Variants in HERC2 observed in about 807,000 individuals in gnomAD.
HERC2 encodes HECT and RLD domain containing E3 ubiquitin protein ligase 2.
In HERC2, 102 loss-of-function variants were observed where a neutral mutation model predicts 537.7. That is an observed-to-expected ratio of 0.19 (90% CI 0.16 to 0.22). The LOEUF (loss-of-function observed/expected upper bound fraction) is 0.22. Ranked by LOEUF, HERC2 falls within the 10% of genes least tolerant of loss-of-function variation. The probability of loss-of-function intolerance (pLI) is 1.00; values close to 1 mark genes in which losing one functional copy is unlikely to be tolerated. For missense variants in HERC2, 4,236 were observed against 6,198.2 expected (o/e 0.68, Z 10.63); for synonymous variants, 2,224 against 2,466.2 (o/e 0.90, Z 2.91).
chr15:28,266,099 G>A, intron 12 of HERC2, 125 bp from the exon 13 acceptor site: 1 of 993,430 alleles, frequency 1.0e-6, no homozygotes, highest in East Asian at 2.6e-5. Context: ...TCACCTTCCA[G>A]GTACCTTGTG....
chr15:28,246,817 C>T lies in HERC2; in HGVS notation c.3316G>A (p.Val1106Met). 6.2e-7 allele frequency: 1 copy of T among 1,610,604 alleles called. No homozygotes were observed. Among genetic ancestry groups the T allele is most frequent in the East Asian group, 2.2e-5 (1 of 44,598 alleles). ...LCTHIGDILP[V>M]AASIASTSWR... ...CTGGTAGAAGCAATGCTGGCGGCCA[C>T]AGGCAGTATATCTCCAATGTGCGTG... The change falls in exon 22 of 93, where the codon GTG (valine) becomes ATG (methionine). Residue 1106 changes from valine (V) to methionine (M), a missense_variant. Physicochemically the swap from Val to Met is conservative, Grantham distance 21. This residue lies in a region of HERC2 where 754 missense variants were observed against 1,085.0 expected (regional missense o/e 0.69). Transcript: ENST00000261609.
intron 69 of HERC2, among the ~76,000 whole-genome samples, chr15:28,154,771 AT>A (rs781136673): frequency 6.6e-6 from 1 of 152,084 alleles, no homozygotes; most frequent in Non-Finnish European, 1.5e-5. Flanking sequence ...TTATATATAT[AT>A]TTTTTTATTA....
chr15:28,132,578 T>C, intron 80 of HERC2, 75 bp downstream of exon 80: 4 of 1,304,238 alleles, frequency 3.1e-6, no homozygotes, highest in South Asian at 4.7e-5. Flanking sequence ...ATAACAACGG[T>C]GGCAAACCGC....
Position 28,272,870 on chromosome 15 carries a change from G to A in HERC2, c.911+24C>T, listed in dbSNP as rs371994529. On this transcript the variant is annotated intron_variant, in intron 8 of 92. Transcript: ENST00000261609. The stretch of plus-strand genomic sequence containing the variant: ...CCATACACAGGCGCTTCCCCAAAGC[G>A]TTCCCGTCTGCGGCAGCCCTCACCT... 102 of 1,536,276 alleles carry A rather than the reference G, an allele frequency of 6.6e-5. No individual in the cohort carries two copies. In the South Asian group the frequency reaches 7.9e-4, roughly 12 times the overall value.
intron 31 of HERC2, 81 bp downstream of exon 31, chr15:28,230,286 G>C (rs990994208): frequency 1.4e-6 from 2 of 1,410,006 alleles, no homozygotes; most frequent in African/African-American, 2.9e-5. Flanking sequence ...CCCTCCAGAT[G>C]CTCAGGACAA....
At chr15:28,245,073 G>T (rs1312161404) in intron 23 of HERC2, among the ~76,000 whole-genome samples, 1 of 152,116 alleles carries the variant, frequency 6.6e-6, no homozygotes, top group Admixed American at 6.5e-5. Context: ...CAGGAATTCT[G>T]CATCTCACTA....
In HERC2 at chr15:28,321,701, G is replaced by A. The variant is rs1349814002; in HGVS notation, c.-31-237C>T. On this transcript the variant is annotated intron_variant, in intron 1 of 92. Transcript: ENST00000261609. The stretch of plus-strand genomic sequence containing the variant: ...TGCCGAGTTTCTGCACCACGCTGAC[G>A]AGACCTTGAGAATGGACGGTCACAG... Among the ~76,000 whole-genome samples, 4 of 125,388 alleles carry A rather than the reference G, an allele frequency of 3.2e-5. 1 individual carries two copies. The highest frequency in any genetic ancestry group is 1.6e-4 in the African/African-American group (4 of 25,272). 82.3% of individuals were successfully genotyped at this position (125,388 alleles called of 152,430 possible).
chr15:28,284,686 GC>G (rs1384411781), intron 4 of HERC2, among the ~76,000 whole-genome samples: 1 of 152,028 alleles, frequency 6.6e-6, no homozygotes, highest in Non-Finnish European at 1.5e-5. Flanking sequence ...ACTTTGGGAG[GC>G]CAAGGTGGGT....
At chr15:28,219,754 G>A (rs1467260627) in intron 37 of HERC2, among the ~76,000 whole-genome samples, 2 of 152,192 alleles carry the variant, frequency 1.3e-5, no homozygotes, top group Admixed American at 1.3e-4. Context: ...CTGTAGCCAT[G>A]GGGGGCACTG....
Position 28,141,634 on chromosome 15 carries a change from C to G in HERC2, c.11817-4G>C, listed in dbSNP as rs368537466. 6.2e-7 allele frequency: 1 copy of G among 1,614,006 alleles called. No individual in the cohort carries two copies. The highest frequency in any genetic ancestry group is 1.3e-5 in the African/African-American group (1 of 74,908). The stretch of plus-strand genomic sequence containing the variant: ...GAGAGTCCAGTCATCTGGTCGCCTA[C>G]AATACACATCAAGTGAGCATTTGCC... On this transcript the variant is annotated splice_polypyrimidine_tract_variant and splice_region_variant and intron_variant, in intron 77 of 92. Transcript: ENST00000261609.
rs1169301126 is a variant in HERC2, at chr15:28,122,279, G to A, written c.13189-850C>T. On this transcript the variant is annotated intron_variant, in intron 85 of 92. Transcript: ENST00000261609. The surrounding 1 kb of genome is among the most constrained non-coding windows in gnomAD (Gnocchi z 4.1). Reference sequence around the variant, plus strand: ...GGGGAAAGGGCAGAGGATGCGGCACGCAGCCGTGCCAATGGAAAGGGATGA... The same window carrying A: ...GGGGAAAGGGCAGAGGATGCGGCACACAGCCGTGCCAATGGAAAGGGATGA... Among the ~76,000 whole-genome samples the A allele has an allele frequency of 1.3e-5, 2 of 152,346 alleles. No homozygotes were observed. Among genetic ancestry groups the A allele is most frequent in the South Asian group, 4.1e-4 (2 of 4,828 alleles).
intron 2 of HERC2, among the ~76,000 whole-genome samples, chr15:28,306,057 G>A (rs1596452082): frequency 6.6e-6 from 1 of 152,164 alleles, no homozygotes; most frequent in Admixed American, 6.5e-5. Flanking sequence ...TGGAGAAATA[G>A]GAACACTTTT....
intron 38 of HERC2, among the ~76,000 whole-genome samples, chr15:28,217,099 CACTT>C (rs1900001975): frequency 6.6e-6 from 1 of 152,042 alleles, no homozygotes; most frequent in Non-Finnish European, 1.5e-5. Context: ...CTCAATCGCA[CACTT>C]ACACACTTGT....
chr15:28,274,314 C>A lies in HERC2; in HGVS notation c.777G>T (p.Arg259Ser), dbSNP rs372293459. 5.6e-6 allele frequency: 9 copies of A among 1,614,092 alleles called. No individual in the cohort carries two copies. Among genetic ancestry groups the A allele is most frequent in the African/African-American group, 1.3e-5 (1 of 74,950 alleles). The change falls in exon 7 of 93, where the codon AGG becomes AGT. Residue 259 changes from arginine to serine, a missense_variant. This residue lies in a region of HERC2 where 491 missense variants were observed against 559.3 expected (regional missense o/e 0.88). Transcript: ENST00000261609. ...ACCCCGTCACGACGGACCTGAGGAA[C>A]CTGGTCGCTCTCTCCACCACCTCCA... ...VWLEVVERAT[R>S]FLRSVVTGDV...
chr15:28,253,015 T>C (rs1322775505), intron 20 of HERC2, among the ~76,000 whole-genome samples: 8 of 152,256 alleles, frequency 5.3e-5, no homozygotes, highest in African/African-American at 1.9e-4. Flanking sequence ...TGACCCAACC[T>C]GCCAGTGCTT....
At chr15:28,133,199 G>A (rs528656305) in intron 79 of HERC2, among the ~76,000 whole-genome samples, 19 of 151,160 alleles carry the variant, frequency 1.3e-4, no homozygotes, top group African/African-American at 4.1e-4. Flanking sequence ...GGCCCTATAA[G>A]GAAAGTTTGC....
chr15:28,174,909 A>G (rs1364791903), intron 64 of HERC2, among the ~76,000 whole-genome samples: 3 of 152,098 alleles, frequency 2.0e-5, no homozygotes, highest in Non-Finnish European at 4.4e-5. Context: ...CCTCTCTCTA[A>G]CTAAGTGTAA....
chr15:28,229,760 A>C lies in HERC2; in HGVS notation c.4897T>G (p.Ser1633Ala). ...KQNVQGLYPQ[S>A]PLLSTIAEFA... Reference sequence around the variant, plus strand: ...TCAGCAATTGTACTGAGGAGTGGAGACTGCGGATAAAGACCCTGCACATTC... The same window carrying C: ...TCAGCAATTGTACTGAGGAGTGGAGCCTGCGGATAAAGACCCTGCACATTC... Residue 1633 changes from serine to alanine, a missense_variant, in exon 32 of 93, where the codon TCT (serine) becomes GCT (alanine). Ser to Ala is a moderately conservative substitution (Grantham distance 99). Transcript: ENST00000261609. The C allele has an allele frequency of 1.3e-6, 2 of 1,517,530 alleles. No homozygotes were observed. Among genetic ancestry groups the C allele is most frequent in the Non-Finnish European group, 1.8e-6 (2 of 1,093,714 alleles). 94.0% of individuals were successfully genotyped at this position (1,517,530 alleles called of 1,614,324 possible).
intron 20 of HERC2, among the ~76,000 whole-genome samples, chr15:28,249,739 C>T (rs1028422066): frequency 3.3e-5 from 5 of 151,900 alleles, no homozygotes; most frequent in South Asian, 2.1e-4. Context: ...CTCCGCCTCC[C>T]GGGTTAAAGC....
Sources: allele counts gnomAD v4.1 joint callset (sites outside exome capture counted in the v4.1 genomes callset), GRCh38; gene constraint gnomAD v4.1.1; regional missense constraint gnomAD v4.1.1; non-coding constraint Gnocchi (gnomAD v3.1); transcripts MANE v1.5; gene names NCBI Gene and HGNC (gene_info 2026-07-23, HGNC 2026-07-21).